CSGALNACT1: variants seen among roughly 807,000 people sequenced by gnomAD.
CSGALNACT1 encodes the protein beta4GalNAcT-1.
A neutral mutation model predicts 51.0 loss-of-function variants in CSGALNACT1; 52 were observed. That is an observed-to-expected ratio of 1.02 (90% CI 0.82 to 1.29). The LOEUF (loss-of-function observed/expected upper bound fraction) is 1.29, where lower values mean the gene tolerates loss of function less well. CSGALNACT1 is among the 50% of genes most tolerant of loss of function. CSGALNACT1 has a pLI of 0.00. For synonymous variants in CSGALNACT1, 341 were observed against 254.4 expected (o/e 1.34, Z -3.24); for missense variants, 935 against 679.2 (o/e 1.38, Z -4.19).
intron 1 of CSGALNACT1, among the ~76,000 whole-genome samples, chr8:19,673,208 A>G (rs772708981): frequency 2.0e-5 from 3 of 152,212 alleles, no homozygotes; most frequent in Admixed American, 6.5e-5. Flanking sequence ...GATGCAAGGA[A>G]CAAAGGGGAT....
At chr8:19,410,273 A>T (rs2055369032) in intron 8 of CSGALNACT1, among the ~76,000 whole-genome samples, 1 of 152,204 alleles carries the variant, frequency 6.6e-6, no homozygotes. Context: ...TATCTCCCAA[A>T]TGACAAGTCA....
intron 8 of CSGALNACT1, among the ~76,000 whole-genome samples, chr8:19,408,988 A>ACACACACACACACACACACACACAC (rs1554501376): frequency 6.6e-6 from 1 of 151,868 alleles, no homozygotes; most frequent in Non-Finnish European, 1.5e-5. Flanking sequence ...AATCAAAAAC[A>ACACACACACACACACACACACACAC]AAAACCGGGA....
chr8:19,523,508 G>A (rs752650017), intron 3 of CSGALNACT1, among the ~76,000 whole-genome samples: 6 of 151,908 alleles, frequency 3.9e-5, no homozygotes, highest in Non-Finnish European at 8.8e-5. Flanking sequence ...GGGCTCCAGC[G>A]ATCCACCCAC....
intron 1 of CSGALNACT1, among the ~76,000 whole-genome samples, chr8:19,657,239 TGATAAACTGAAAGATAAACTGAAA>T (rs11204059): frequency 0.024 from 2,030 of 86,354 alleles, 49 homozygotes; most frequent in African/African-American, 0.08. Context: ...AACTGAAAGA[TGATAAACTGAAAGATAAACTGAAA>T]GATAAACTGA....
chr8:19,447,418 G>C (rs2062329707), intron 5 of CSGALNACT1, among the ~76,000 whole-genome samples: 1 of 152,216 alleles, frequency 6.6e-6, no homozygotes, highest in Non-Finnish European at 1.5e-5. Flanking sequence ...AGAATGGGCA[G>C]ATATGATGGA....
chr8:19,707,163 T>G (rs1293915130), intron 1 of CSGALNACT1, among the ~76,000 whole-genome samples: 1 of 151,954 alleles, frequency 6.6e-6, no homozygotes, highest in Non-Finnish European at 1.5e-5. Context: ...TAGCATGGGG[T>G]GTAAACAGGA....
chr8:19,404,525 T>C, exon 10 of CSGALNACT1: 1 of 453,922 alleles, frequency 2.2e-6, no homozygotes, highest in Non-Finnish European at 4.4e-6. Context: ...ATAATTCAGT[T>C]ACTTCCACCT....
intron 3 of CSGALNACT1, among the ~76,000 whole-genome samples, chr8:19,546,101 A>C (rs906545107): frequency 6.6e-6 from 1 of 152,078 alleles, no homozygotes; most frequent in African/African-American, 2.4e-5. Context: ...ATAAGGAAAC[A>C]AGACTCAATA....
exon 10 of CSGALNACT1, chr8:19,405,266 T>C (rs1264176733): frequency 6.6e-6 from 3 of 453,488 alleles, no homozygotes; most frequent in Non-Finnish European, 1.3e-5. Flanking sequence ...GTTTCTTTTC[T>C]TTTCTGGTCC....
At chr8:19,547,873 G>A (rs978203349) in intron 3 of CSGALNACT1, among the ~76,000 whole-genome samples, 2 of 152,202 alleles carry the variant, frequency 1.3e-5, no homozygotes, top group African/African-American at 4.8e-5. Flanking sequence ...AGGACCAGAT[G>A]GCCACTGCCA....
chr8:19,479,918 A>G (rs2070889186), intron 4 of CSGALNACT1, among the ~76,000 whole-genome samples: 1 of 152,014 alleles, frequency 6.6e-6, no homozygotes, highest in Non-Finnish European at 1.5e-5. Flanking sequence ...CTGGGATTCC[A>G]TTAAAAACCC....
At chr8:19,428,111 C>T (rs2059062412) in intron 6 of CSGALNACT1, among the ~76,000 whole-genome samples, 1 of 152,160 alleles carries the variant, frequency 6.6e-6, no homozygotes, top group Admixed American at 6.5e-5. Flanking sequence ...TTTCTCCTTG[C>T]TCTGTAAAGT....
At chr8:19,571,010 G>C (rs2154109782) in intron 3 of CSGALNACT1, among the ~76,000 whole-genome samples, 1 of 152,286 alleles carries the variant, frequency 6.6e-6, no homozygotes, top group Non-Finnish European at 1.5e-5. Flanking sequence ...ACAGGTTCTT[G>C]CTTTGTCACC....
rs147041971 is a variant in CSGALNACT1, at chr8:19,442,734, A to G, written c.852-2803T>C. 2.5e-3 allele frequency among the ~76,000 whole-genome samples: 370 copies of G among 147,776 alleles called. 1 individual carries two copies. The highest frequency in any genetic ancestry group is 8.7e-3 in the African/African-American group (353 of 40,650). On this transcript the variant is annotated intron_variant, in intron 5 of 9. Coordinates refer to ENST00000454498, the Ensembl canonical transcript of CSGALNACT1. ...TAAAGTATAAAAAAAAAAAAAGACT[A>G]TGAAGTACGAAAGATGAGAAAGCTA...
intron 9 of CSGALNACT1, among the ~76,000 whole-genome samples, chr8:19,407,196 T>A (rs906690062): frequency 1.3e-5 from 2 of 152,066 alleles, no homozygotes; most frequent in African/African-American, 4.8e-5. Context: ...CATTTTTTTT[T>A]TAAATCTTTA....
chr8:19,420,344 C>T lies in CSGALNACT1; in HGVS notation c.1128G>A (p.Gln376=). The change falls in exon 7 of 10, where the codon CAG becomes CAA. Residue 376 remains glutamine (Q), a synonymous_variant. Coordinates refer to ENST00000454498, the Ensembl canonical transcript of CSGALNACT1. ...TGACAGAGAGATGATCCATACCTGGCTGTGTATTCAGCCTACACGTATTGA... is the reference window on the plus strand; with the variant it reads ...TGACAGAGAGATGATCCATACCTGGTTGTGTATTCAGCCTACACGTATTGA... The T allele has an allele frequency of 4.3e-6, 7 of 1,614,126 alleles. No homozygotes were observed. Among genetic ancestry groups the T allele is most frequent in the Non-Finnish European group, 5.9e-6 (7 of 1,179,958 alleles).
intron 5 of CSGALNACT1, among the ~76,000 whole-genome samples, chr8:19,440,258 C>T (rs1044204039): frequency 1.4e-4 from 21 of 152,078 alleles, no homozygotes; most frequent in Non-Finnish European, 7.4e-5. Context: ...CTGGTTCTTA[C>T]CCCATAAAAA....
exon 10 of CSGALNACT1, chr8:19,404,379 G>A (rs572456370): frequency 1.8e-4 from 82 of 453,608 alleles, no homozygotes; most frequent in African/African-American, 1.6e-3. Flanking sequence ...ATCTGGTGCT[G>A]GCTAATAATT....
chr8:19,464,213 A>G (rs536376836), intron 4 of CSGALNACT1, among the ~76,000 whole-genome samples: 5 of 152,206 alleles, frequency 3.3e-5, no homozygotes, highest in African/African-American at 9.6e-5. Flanking sequence ...ACCTTCCTAC[A>G]TGGAGCCAAG....
Sources: allele counts gnomAD v4.1 joint callset (sites outside exome capture counted in the v4.1 genomes callset), GRCh38; gene constraint gnomAD v4.1.1; transcripts MANE v1.5; gene names NCBI Gene and HGNC (gene_info 2026-07-23, HGNC 2026-07-21).